The following RELN variants were observed in gnomAD, a reference collection of about 807,000 sequenced individuals.
RELN encodes the protein reelin.
A neutral mutation model predicts 427.6 loss-of-function variants in RELN; 108 were observed. That is an observed-to-expected ratio of 0.25 (90% confidence interval 0.22 to 0.30). The LOEUF (loss-of-function observed/expected upper bound fraction) is 0.30. Ranked by LOEUF, RELN falls within the 10% of genes least tolerant of loss-of-function variation. The probability of loss-of-function intolerance (pLI) is 1.00; values close to 1 mark genes in which losing one functional copy is unlikely to be tolerated. For missense variants in RELN, 3,715 were observed against 4,302.8 expected, an observed-to-expected ratio of 0.86 and a Z score of 3.82; for synonymous variants, 1,524 against 1,513.4, an observed-to-expected ratio of 1.01 and a Z score of -0.16.
At chr7:103,923,233 A>G (rs1012393452) in intron 1 of RELN, among the ~76,000 whole-genome samples, 3 of 152,206 alleles carry the variant, frequency 2.0e-5, no homozygotes, top group African/African-American at 7.2e-5. Flanking sequence ...AATTTCATCA[A>G]CACTGTATGT....
chr7:103,697,145 G>A (rs150056030), intron 10 of RELN, among the ~76,000 whole-genome samples: 1 of 152,168 alleles, frequency 6.6e-6, no homozygotes, highest in Non-Finnish European at 1.5e-5. Context: ...TTTGATGTTC[G>A]GTAAGGGCCA....
Position 103,735,277 on chromosome 7 carries a change from G to GT in RELN, c.657-7071dup, listed in dbSNP as rs977362452. Among the ~76,000 whole-genome samples the GT allele has an allele frequency of 1.3e-3, 200 of 151,770 alleles. 1 individual carries two copies. The highest frequency in any genetic ancestry group is 3.4e-3 in the Middle Eastern group (1 of 294). On this transcript the variant is annotated intron_variant, in intron 6 of 64. Coordinates refer to ENST00000428762, the MANE Select transcript of RELN (RefSeq NM_005045.4). ...TTATTTATTTATTATTCAGGTGGCT[G>GT]TTTTTTTTCATGGGACAAAGTATTA...
intron 11 of RELN, among the ~76,000 whole-genome samples, chr7:103,663,341 C>T (rs1057220147): frequency 1.1e-4 from 17 of 152,258 alleles, no homozygotes; most frequent in African/African-American, 3.1e-4. Flanking sequence ...CCCAGCAGAT[C>T]CTCAATAATT....
At chr7:103,789,228 A>G (rs774540084) in intron 3 of RELN, among the ~76,000 whole-genome samples, 18 of 152,232 alleles carry the variant, frequency 1.2e-4, no homozygotes, top group Non-Finnish European at 2.2e-4. Flanking sequence ...ACCTAAAACC[A>G]TAAAATCCCT....
At chr7:103,915,421 T>C (rs1057106444) in intron 2 of RELN, among the ~76,000 whole-genome samples, 1 of 152,180 alleles carries the variant, frequency 6.6e-6, no homozygotes, top group Admixed American at 6.5e-5. Context: ...TCCAATAGAA[T>C]AGAAGTCCTC....
chr7:103,655,562 G>A (rs1562942417), intron 12 of RELN, among the ~76,000 whole-genome samples: 2 of 152,068 alleles, frequency 1.3e-5, no homozygotes, highest in Non-Finnish European at 2.9e-5. Flanking sequence ...GTTTGTAAAT[G>A]CCTGGGTCAA....
At chr7:103,503,286 C>T in intron 51 of RELN, 56 bp from the exon 52 acceptor site, 2 of 1,534,626 alleles carry the variant, frequency 1.3e-6, no homozygotes, top group South Asian at 2.3e-5. Flanking sequence ...TGATTCTTCT[C>T]CAAGGACTTG....
intron 2 of RELN, among the ~76,000 whole-genome samples, chr7:103,900,568 C>A (rs1795062041): frequency 6.6e-6 from 1 of 152,090 alleles, no homozygotes; most frequent in South Asian, 2.1e-4. Context: ...CTATAGTAAC[C>A]AAAACAACAT....
intron 1 of RELN, among the ~76,000 whole-genome samples, chr7:103,958,920 G>A (rs1000453450): frequency 3.3e-5 from 5 of 152,098 alleles, no homozygotes; most frequent in African/African-American, 1.2e-4. Flanking sequence ...ATGGAGATTT[G>A]TTCAGTAACA....
intron 27 of RELN, among the ~76,000 whole-genome samples, chr7:103,591,765 C>T (rs1831422298): frequency 6.6e-6 from 1 of 152,042 alleles, no homozygotes; most frequent in Non-Finnish European, 1.5e-5. Context: ...GTGACAAGTT[C>T]GTGCTTTAGA....
intron 11 of RELN, among the ~76,000 whole-genome samples, chr7:103,677,765 C>T (rs1369371647): frequency 1.1e-4 from 6 of 56,042 alleles, no homozygotes; most frequent in Admixed American, 5.1e-4. Context: ...GAATCTGTCT[C>T]AAAAAAAAAA....
At chr7:103,943,717 G>A (rs1036627629) in intron 1 of RELN, among the ~76,000 whole-genome samples, 1 of 151,360 alleles carries the variant, frequency 6.6e-6, no homozygotes. Context: ...TGGGTGTGGC[G>A]GGTGCCTGTA....
At chr7:103,870,920 G>A (rs747310989) in intron 2 of RELN, among the ~76,000 whole-genome samples, 4 of 152,204 alleles carry the variant, frequency 2.6e-5, no homozygotes, top group South Asian at 2.1e-4. Context: ...CACCTGTCTC[G>A]AATTGTGATC....
At chr7:103,875,710 C>T (rs966864864) in intron 2 of RELN, among the ~76,000 whole-genome samples, 1 of 151,928 alleles carries the variant, frequency 6.6e-6, no homozygotes, top group Non-Finnish European at 1.5e-5. Flanking sequence ...TTTTTTCAGG[C>T]ATAGTCTGGA....
At chr7:103,512,198 T>G (rs1829442345) in intron 50 of RELN, among the ~76,000 whole-genome samples, 1 of 152,310 alleles carries the variant, frequency 6.6e-6, no homozygotes, top group Non-Finnish European at 1.5e-5. Context: ...CCACCCTATT[T>G]AATTAGATAA....
chr7:103,687,639 C>T (rs1833790563), intron 10 of RELN, among the ~76,000 whole-genome samples: 1 of 152,012 alleles, frequency 6.6e-6, no homozygotes, highest in Non-Finnish European at 1.5e-5. Flanking sequence ...TGCTAGGTGC[C>T]ATGCTAGGTA....
chr7:103,973,748 G>A lies in RELN; in HGVS notation c.226+15383C>T, dbSNP rs570477282. On this transcript the variant is annotated intron_variant, in intron 1 of 64. Transcript: ENST00000428762. ...AATGTTGATATCAAGAGCACATAAT[G>A]TTAAGATTAAAAAGATCATAATTCC... is the stretch of plus-strand genomic sequence containing the variant. Among the ~76,000 whole-genome samples, 6 of 152,226 alleles carry A rather than the reference G, an allele frequency of 3.9e-5. No individual in the cohort carries two copies. In the East Asian group the frequency reaches 9.6e-4, roughly 24 times the overall value.
intron 46 of RELN, among the ~76,000 whole-genome samples, chr7:103,531,669 C>T (rs1404877676): frequency 6.6e-6 from 1 of 152,142 alleles, no homozygotes; most frequent in African/African-American, 2.4e-5. Context: ...CCTGTACCAT[C>T]GGCATTTCTT....
At position 103,965,260 on chromosome 7, in the gene RELN, G is replaced by T. The variant is rs569584754; in HGVS notation, c.226+23871C>A. On this transcript the variant is annotated intron_variant, in intron 1 of 64. Transcript: ENST00000428762. ...ACAGCTCTTGTAAATATATTCATAG[G>T]CTGCCTAGCACAAAGTGCATCAAAT... 3.9e-5 allele frequency among the ~76,000 whole-genome samples: 6 copies of T among 152,152 alleles called. No homozygotes were observed. The East Asian group carries it at 1.2e-3, about 29-fold the overall frequency.
Sources: gnomAD v4.1 joint callset for allele counts (sites outside exome capture counted in the v4.1 genomes callset) on GRCh38, gnomAD v4.1.1 for gene constraint, MANE v1.5 for transcripts, NCBI Gene and HGNC (gene_info 2026-07-23, HGNC 2026-07-21) for gene names.